The following SPOCK1 variants were observed in gnomAD, a reference collection of about 807,000 sequenced individuals.
SPOCK1 encodes the protein SPARC (osteonectin), cwcv and kazal like domains proteoglycan 1.
Under a neutral mutation model 55.3 loss-of-function variants are expected in SPOCK1, and 23 were observed. That is an observed-to-expected ratio of 0.42 (90% confidence interval 0.30 to 0.59). The LOEUF (loss-of-function observed/expected upper bound fraction) is 0.59, where lower values mean the gene tolerates loss of function less well. Among genes scored for constraint, SPOCK1 ranks in the 20% least tolerant of loss-of-function variants. The pLI, the probability that SPOCK1 is intolerant of heterozygous loss-of-function variation, is 0.22. For synonymous variants in SPOCK1, 226 were observed against 221.0 expected (o/e 1.02, Z -0.20); for missense variants, 499 against 552.5 (o/e 0.90, Z 0.97).
rs1750943908 is a variant in SPOCK1, at chr5:136,991,349, T to G, written c.706+1135A>C. Among the ~76,000 whole-genome samples, 4 of 151,630 alleles carry G rather than the reference T, an allele frequency of 2.6e-5. No homozygotes were observed. In the South Asian group the frequency reaches 8.4e-4, roughly 32 times the overall value. On this transcript the variant is annotated intron_variant, in intron 7 of 10. Coordinates refer to ENST00000394945, the MANE Select transcript of SPOCK1 (RefSeq NM_004598.4). ...CTTAAATGCTATTTTTTTCTTAAGGTAAAAGATCCCAACTACTAAAATAAT... is the reference window on the plus strand; with the variant it reads ...CTTAAATGCTATTTTTTTCTTAAGGGAAAAGATCCCAACTACTAAAATAAT...
At chr5:137,489,525 G>C (rs1754129907) in intron 2 of SPOCK1, among the ~76,000 whole-genome samples, 2 of 152,186 alleles carry the variant, frequency 1.3e-5, no homozygotes, top group Non-Finnish European at 2.9e-5. Flanking sequence ...TTAAGTGGGG[G>C]ACCAGAGTGA....
chr5:137,240,192 G>A (rs1450462757), intron 3 of SPOCK1, among the ~76,000 whole-genome samples: 6 of 152,168 alleles, frequency 3.9e-5, no homozygotes, highest in Non-Finnish European at 8.8e-5. Flanking sequence ...CCATGTTCTT[G>A]GACAGTGTAT....
chr5:137,131,629 C>T (rs941134209), intron 4 of SPOCK1, among the ~76,000 whole-genome samples: 7 of 146,454 alleles, frequency 4.8e-5, no homozygotes, highest in Admixed American at 6.9e-5. Context: ...AAAAAGATGA[C>T]GACATCTTTG....
At chr5:137,104,427 T>C (rs1180199263) in intron 5 of SPOCK1, among the ~76,000 whole-genome samples, 1 of 152,210 alleles carries the variant, frequency 6.6e-6, no homozygotes, top group Non-Finnish European at 1.5e-5. Flanking sequence ...CAGGTATTTC[T>C]TTATAGCAGT....
intron 3 of SPOCK1, among the ~76,000 whole-genome samples, chr5:137,198,506 CAGAA>C (rs1159814241): frequency 6.6e-6 from 1 of 152,192 alleles, no homozygotes; most frequent in Non-Finnish European, 1.5e-5. Flanking sequence ...TGGCTAATAA[CAGAA>C]AGATTGTTTC....
chr5:137,185,623 G>T (rs1050471617), intron 3 of SPOCK1, among the ~76,000 whole-genome samples: 4 of 152,072 alleles, frequency 2.6e-5, no homozygotes, highest in African/African-American at 9.7e-5. Flanking sequence ...ATAAAATAAA[G>T]AAATAAATAA....
chr5:137,065,431 C>T (rs1488088728), intron 6 of SPOCK1, among the ~76,000 whole-genome samples: 1 of 152,104 alleles, frequency 6.6e-6, no homozygotes, highest in African/African-American at 2.4e-5. Context: ...GAAGGACAGT[C>T]TTAGAACCTC....
chr5:137,462,144 T>C (rs957257242), intron 2 of SPOCK1, among the ~76,000 whole-genome samples: 2 of 152,238 alleles, frequency 1.3e-5, no homozygotes, highest in African/African-American at 4.8e-5. Context: ...GCTTAGCCTC[T>C]GGAGGCCACC....
intron 8 of SPOCK1, 66 bp downstream of exon 8, chr5:136,988,356 G>T: frequency 7.7e-7 from 1 of 1,295,202 alleles, no homozygotes; most frequent in Non-Finnish European, 1.1e-6. Context: ...ATAGTCATAC[G>T]CAGTCCTCCT....
intron 2 of SPOCK1, among the ~76,000 whole-genome samples, chr5:137,335,091 A>T (rs1429787486): frequency 2.0e-5 from 3 of 152,210 alleles, no homozygotes; most frequent in Non-Finnish European, 4.4e-5. Context: ...ATTTGGGAAG[A>T]CAATGGAAAT....
At chr5:137,014,235 T>C (rs1180571997) in intron 6 of SPOCK1, among the ~76,000 whole-genome samples, 1 of 152,184 alleles carries the variant, frequency 6.6e-6, no homozygotes, top group African/African-American at 2.4e-5. Flanking sequence ...TTCACCTTCC[T>C]TCATGAGTAA....
intron 3 of SPOCK1, among the ~76,000 whole-genome samples, chr5:137,246,713 C>T (rs1360352829): frequency 6.6e-6 from 1 of 152,236 alleles, no homozygotes; most frequent in African/African-American, 2.4e-5. Flanking sequence ...CCACCCACTA[C>T]TCTAGATCTC....
At chr5:137,136,827 C>T (rs1753993941) in intron 4 of SPOCK1, among the ~76,000 whole-genome samples, 1 of 152,096 alleles carries the variant, frequency 6.6e-6, no homozygotes, top group African/African-American at 2.4e-5. Context: ...CCCTTGCAAC[C>T]CCACTCTACA....
chr5:137,057,337 A>G (rs1752320044), intron 6 of SPOCK1, among the ~76,000 whole-genome samples: 1 of 152,192 alleles, frequency 6.6e-6, no homozygotes, highest in African/African-American at 2.4e-5. Context: ...CAGAATAAGG[A>G]GAGAGCTGGA....
chr5:137,158,322 A>G (rs55909424), intron 3 of SPOCK1, among the ~76,000 whole-genome samples: 27,210 of 152,122 alleles, frequency 0.18, 3,268 homozygotes, highest in East Asian at 0.39. Flanking sequence ...CACATTTCCA[A>G]CCTGGGGTTT....
chr5:137,486,702 T>C (rs185127219), intron 2 of SPOCK1, among the ~76,000 whole-genome samples: 1 of 152,194 alleles, frequency 6.6e-6, no homozygotes, highest in Admixed American at 6.5e-5. Context: ...AAAAAACACA[T>C]GAAAAGGTCT....
intron 2 of SPOCK1, among the ~76,000 whole-genome samples, chr5:137,291,332 CTA>C (rs1186943408): frequency 3.9e-5 from 6 of 152,198 alleles, no homozygotes; most frequent in African/African-American, 1.4e-4. Flanking sequence ...TCTAATCTAG[CTA>C]TGATTACTGG....
At chr5:137,192,262 G>T (rs1755197485) in intron 3 of SPOCK1, among the ~76,000 whole-genome samples, 1 of 149,544 alleles carries the variant, frequency 6.7e-6, no homozygotes. Context: ...AAAAGAAAAG[G>T]AAAACAAGCT....
At chr5:137,034,386 A>C (rs1751840451) in intron 6 of SPOCK1, among the ~76,000 whole-genome samples, 1 of 151,916 alleles carries the variant, frequency 6.6e-6, no homozygotes, top group Non-Finnish European at 1.5e-5. Flanking sequence ...TCCTCATAAT[A>C]CCCCTACAGT....
Sources: allele counts gnomAD v4.1 joint callset (sites outside exome capture counted in the v4.1 genomes callset), GRCh38; gene constraint gnomAD v4.1.1; transcripts MANE v1.5; gene names NCBI Gene and HGNC (gene_info 2026-07-23, HGNC 2026-07-21).